Variants in REV1 observed in about 807,000 individuals in gnomAD.
REV1 encodes translesion synthesis protein REV1.
REV1 carries 42 observed loss-of-function variants against 137.4 expected under a neutral mutation model. That is an observed-to-expected ratio of 0.31 (90% confidence interval 0.24 to 0.40). The LOEUF is 0.40. Among genes scored for constraint, REV1 ranks in the 10% least tolerant of loss-of-function variants. The pLI is 1.00. For missense variants in REV1, 1,282 were observed against 1,490.1 expected (o/e 0.86, Z 2.30); for synonymous variants, 524 against 519.2 (o/e 1.01, Z -0.12).
At chr2:99,418,273 T>C (rs1678166901) in intron 12 of REV1, among the ~76,000 whole-genome samples, 1 of 152,194 alleles carries the variant, frequency 6.6e-6, no homozygotes, top group African/African-American at 2.4e-5. Flanking sequence ...CTGAACATCC[T>C]GCCCCTTAGG....
intron 1 of REV1, among the ~76,000 whole-genome samples, chr2:99,477,249 G>C (rs1181086292): frequency 1.3e-5 from 2 of 152,186 alleles, no homozygotes; most frequent in Non-Finnish European, 2.9e-5. Context: ...ATGTGACTAA[G>C]TTCTGGCCAA....
chr2:99,429,801 A>C (rs1044018128), intron 9 of REV1, 39 bp downstream of exon 9: 1 of 1,207,912 alleles, frequency 8.3e-7, no homozygotes, highest in Non-Finnish European at 1.2e-6. Flanking sequence ...AATTAACCAA[A>C]TTATTCATTA....
intron 5 of REV1, 61 bp downstream of exon 5, chr2:99,442,252 CAAAA>C (rs3070575): frequency 4.5e-3 from 2,427 of 534,314 alleles, no homozygotes; most frequent in South Asian, 8.1e-3. Flanking sequence ...AACTCCATCT[CAAAA>C]AAAAAAAAAA....
Position 99,404,437 on chromosome 2 carries a change from A to AAT in REV1, c.3045+6_3045+7insAT. ...ACTACAGCAGAGGGTTCCCATATTT[A>AAT]ACTTACCTGTGAAAATGCTGGAAGG... is the stretch of plus-strand genomic sequence containing the variant. On this transcript the variant is annotated splice_region_variant and intron_variant, in intron 18 of 22. Coordinates refer to ENST00000258428, the MANE Select transcript of REV1 (RefSeq NM_016316.4). The AAT allele has an allele frequency of 6.2e-7, 1 of 1,610,958 alleles. No individual in the cohort carries two copies. Among genetic ancestry groups the AAT allele is most frequent in the South Asian group, 1.1e-5 (1 of 90,988 alleles).
chr2:99,446,385 A>G (rs1433569086), intron 4 of REV1, among the ~76,000 whole-genome samples: 1 of 152,218 alleles, frequency 6.6e-6, no homozygotes, highest in Non-Finnish European at 1.5e-5. Context: ...AAATCCATTA[A>G]AGTGAATTTT....
intron 3 of REV1, 86 bp from the exon 4 acceptor site, chr2:99,449,590 T>A: frequency 1.7e-6 from 1 of 600,870 alleles, no homozygotes. Context: ...AGGTCAACTT[T>A]AAGAATGTCA....
At position 99,424,964 on chromosome 2, in the gene REV1, G is replaced by C. The variant is rs1010540293; in HGVS notation, c.1548-684C>G. 6.3e-6 allele frequency: 7 copies of C among 1,114,192 alleles called. 1 individual carries two copies. In the Admixed American group the frequency reaches 1.8e-4, roughly 29 times the overall value. 69.0% of individuals were successfully genotyped at this position (1,114,192 alleles called of 1,614,324 possible). A position where few individuals can be genotyped will look rare whatever the true frequency, so the allele number is the denominator to read the frequency against. On this transcript the variant is annotated intron_variant, in intron 9 of 22. Coordinates refer to ENST00000258428, the MANE Select transcript of REV1 (RefSeq NM_016316.4). ...TGCCCCACATTACCTTTGACATTTG[G>C]AGCATTCACCACAAAACTATAATTA...
chr2:99,408,817 C>G (rs1042217574), intron 14 of REV1, among the ~76,000 whole-genome samples: 2 of 152,228 alleles, frequency 1.3e-5, no homozygotes, highest in African/African-American at 4.8e-5. Context: ...ACTACCAGTT[C>G]TCTTTCCAAA....
chr2:99,410,722 C>T lies in REV1; in HGVS notation c.2318G>A (p.Gly773Asp), dbSNP rs763940332. The stretch of plus-strand genomic sequence containing the variant: ...GGCAATGTTATCACAAATTCCATGG[C>T]CTCCAAATTTTGCAGTTTCTACAGG... ...GAPVETAKFG[G>D]HGICDNIART... Residue 773 changes from glycine to aspartate, a missense_variant, in exon 14 of 23, where the codon GGC (glycine) becomes GAC (aspartate). Gly to Asp is a moderately conservative substitution (Grantham distance 94). Coordinates refer to ENST00000258428, the MANE Select transcript of REV1 (RefSeq NM_016316.4). 6.3e-7 allele frequency: 1 copy of T among 1,594,474 alleles called. No homozygotes were observed. The highest frequency in any genetic ancestry group is 1.2e-5 in the South Asian group (1 of 86,774).
chr2:99,466,115 T>A (rs981333321), intron 1 of REV1, among the ~76,000 whole-genome samples: 1 of 151,714 alleles, frequency 6.6e-6, no homozygotes, highest in African/African-American at 2.4e-5. Context: ...TTATTATTTT[T>A]CTTTTTTTTG....
intron 1 of REV1, among the ~76,000 whole-genome samples, chr2:99,486,891 G>A (rs1366874972): frequency 6.7e-6 from 1 of 148,256 alleles, no homozygotes; most frequent in African/African-American, 2.5e-5. Flanking sequence ...CAGCAAACAA[G>A]TCTAAGGGGG....
rs373313528 is a variant in REV1 at position 99,404,305 on chromosome 2, T to TCTCCCCTCCC, written c.3045+129_3045+138dup. 14 of 691,638 alleles carry TCTCCCCTCCC rather than the reference T, an allele frequency of 2.0e-5. No individual in the cohort carries two copies. In the East Asian group the frequency reaches 2.7e-4, roughly 13 times the overall value. The allele number at this position is 691,638 out of a possible 1,614,324, so 42.8% of individuals were successfully genotyped here. A position where few individuals can be genotyped will look rare whatever the true frequency, so the allele number is the denominator to read the frequency against. ...ATGCAGGAGATGGAGACAAGCCCACTCTCCCCTCCCCTCCCCTCCCCTCCC... is the reference window on the plus strand; with the variant it reads ...ATGCAGGAGATGGAGACAAGCCCACTCTCCCCTCCCCTCCCCTCCCCTCCCCTCCCCTCCC... On this transcript the variant is annotated intron_variant, in intron 18 of 22. Transcript: ENST00000258428.
chr2:99,449,508 CA>C lies in REV1; in HGVS notation c.182-5del. On this transcript the variant is annotated splice_region_variant and splice_polypyrimidine_tract_variant and intron_variant, in intron 3 of 22. Coordinates refer to ENST00000258428, the MANE Select transcript of REV1 (RefSeq NM_016316.4). ...CTCAATTCCTCAGCGGAAGGATCTG[CA>C]AAATTTATATTAAAATATATTAAGA... 7.1e-7 allele frequency: 1 copy of C among 1,411,410 alleles called. No homozygotes were observed. The highest frequency in any genetic ancestry group is 1.8e-5 in the South Asian group (1 of 55,124). The allele number at this position is 1,411,410 out of a possible 1,614,324, so 87.4% of individuals were successfully genotyped here.
chr2:99,409,725 C>A (rs1257936230), intron 14 of REV1, among the ~76,000 whole-genome samples: 2 of 151,732 alleles, frequency 1.3e-5, no homozygotes, highest in African/African-American at 4.8e-5. Flanking sequence ...GCCCCATAAT[C>A]CCAGCTACCC....
In REV1 at chr2:99,421,586, C is replaced by T; in HGVS notation, c.1744G>A (p.Glu582Lys). The change falls in exon 11 of 23, where the codon GAG (glutamate) becomes AAG (lysine). Residue 582 changes from glutamate to lysine, a missense_variant. Coordinates refer to ENST00000258428, the MANE Select transcript of REV1 (RefSeq NM_016316.4). ...AATTCATCAGGAGTAAGTTTGGTCT[C>T]TGCAAGGATTTCGGTAATGTCTACC... ...ALVDITEILA[E>K]TKLTPDEFAN... 6.2e-7 allele frequency: 1 copy of T among 1,614,128 alleles called. No individual in the cohort carries two copies. The highest frequency in any genetic ancestry group is 2.2e-5 in the East Asian group (1 of 44,882).
rs772587006 is a variant in REV1, at chr2:99,462,488, T to C, written c.181+8A>G. The stretch of plus-strand genomic sequence containing the variant: ...TGCCAAAATAGGGTTAAGTAAAAAG[T>C]ACTCAACCTGTGTATCCATTAACAT... On this transcript the variant is annotated splice_region_variant and intron_variant, in intron 3 of 22. Transcript: ENST00000258428. The C allele has an allele frequency of 9.4e-6, 15 of 1,601,970 alleles. No homozygotes were observed. The highest frequency in any genetic ancestry group is 1.2e-5 in the Non-Finnish European group (14 of 1,176,926).
At chr2:99,401,592 GA>G (rs967454091) in intron 22 of REV1, among the ~76,000 whole-genome samples, 1 of 151,856 alleles carries the variant, frequency 6.6e-6, no homozygotes, top group Non-Finnish European at 1.5e-5. Flanking sequence ...ACAAAAAATA[GA>G]AAAATTAGGT....
intron 1 of REV1, among the ~76,000 whole-genome samples, chr2:99,473,996 G>A (rs886873465): frequency 6.6e-6 from 1 of 152,074 alleles, no homozygotes; most frequent in Non-Finnish European, 1.5e-5. Context: ...AAAGCAATTC[G>A]TGTTTATTGC....
intron 1 of REV1, among the ~76,000 whole-genome samples, chr2:99,467,969 C>T (rs1436153672): frequency 6.6e-6 from 1 of 152,022 alleles, no homozygotes; most frequent in African/African-American, 2.4e-5. Flanking sequence ...TCACGTGAGG[C>T]GGGGAGTTTG....
Sources: gnomAD v4.1 joint callset for allele counts (sites outside exome capture counted in the v4.1 genomes callset) on GRCh38, gnomAD v4.1.1 for gene constraint, MANE v1.5 for transcripts, NCBI Gene and HGNC (gene_info 2026-07-23, HGNC 2026-07-21) for gene names.